Variants in SLC25A21 observed in about 807,000 individuals in gnomAD.
SLC25A21 encodes the protein solute carrier family 25 member 21.
Under a neutral mutation model 43.8 loss-of-function variants are expected in SLC25A21, and 47 were observed. That is an observed-to-expected ratio of 1.07 (90% CI 0.85 to 1.37). SLC25A21 has a LOEUF of 1.37. Ranked by LOEUF, SLC25A21 falls within the 40% of genes most tolerant of loss-of-function variation. The probability of loss-of-function intolerance (pLI) is 0.00; values close to 1 mark genes in which losing one functional copy is unlikely to be tolerated. For synonymous variants in SLC25A21, 131 were observed against 121.3 expected, an observed-to-expected ratio of 1.08 and a Z score of -0.52; for missense variants, 352 against 350.2, an observed-to-expected ratio of 1.00 and a Z score of -0.04.
At chr14:37,010,939 T>C (rs919191137) in intron 1 of SLC25A21, among the ~76,000 whole-genome samples, 1 of 152,110 alleles carries the variant, frequency 6.6e-6, no homozygotes, top group Non-Finnish European at 1.5e-5. Flanking sequence ...CAGTCTGGAG[T>C]GCAGTGGTGC....
At position 36,768,967 on chromosome 14, in the gene SLC25A21, A is replaced by G. The variant is rs1886517738; in HGVS notation, c.204-34394T>C. 2.0e-5 allele frequency among the ~76,000 whole-genome samples: 3 copies of G among 150,350 alleles called. No homozygotes were observed. The South Asian group carries it at 6.2e-4, about 31-fold the overall frequency. On this transcript the variant is annotated intron_variant, in intron 3 of 9. Transcript: ENST00000331299. ...AAAAAACAAAAACCTATATCTATCT[A>G]TATCTATATCTATATCTGTATCTAT...
At chr14:37,126,321 C>A (rs1261489183) in intron 1 of SLC25A21, among the ~76,000 whole-genome samples, 1 of 152,020 alleles carries the variant, frequency 6.6e-6, no homozygotes, top group Non-Finnish European at 1.5e-5. Context: ...ACCAAAGCCA[C>A]CAAAATGGTA....
At chr14:36,968,068 C>T (rs1470828091) in intron 1 of SLC25A21, among the ~76,000 whole-genome samples, 3 of 151,994 alleles carry the variant, frequency 2.0e-5, no homozygotes, top group East Asian at 1.9e-4. Flanking sequence ...GAAGAGCACA[C>T]GTAGTGGAGG....
chr14:37,118,766 T>C lies in SLC25A21; in HGVS notation c.70+53515A>G, dbSNP rs144326587. On this transcript the variant is annotated intron_variant, in intron 1 of 9. Coordinates refer to ENST00000331299, the MANE Select transcript of SLC25A21 (RefSeq NM_030631.4). Reference sequence around the variant, plus strand: ...CTCCCATGGTTTCCTTACCTAGTAATTGATTCCTGAAAATCCACCATTACA... The same window carrying C: ...CTCCCATGGTTTCCTTACCTAGTAACTGATTCCTGAAAATCCACCATTACA... Among the ~76,000 whole-genome samples the C allele has an allele frequency of 2.6e-4, 39 of 152,268 alleles. No homozygotes were observed. The East Asian group carries it at 6.4e-3, about 25-fold the overall frequency.
chr14:37,166,988 A>G (rs1378696481), intron 1 of SLC25A21, among the ~76,000 whole-genome samples: 1 of 152,220 alleles, frequency 6.6e-6, no homozygotes, highest in Non-Finnish European at 1.5e-5. Flanking sequence ...CCATACAAAT[A>G]AAAATATTAG....
At chr14:36,691,197 A>G (rs1159205263) in intron 7 of SLC25A21, among the ~76,000 whole-genome samples, 1 of 152,180 alleles carries the variant, frequency 6.6e-6, no homozygotes, top group African/African-American at 2.4e-5. Flanking sequence ...CCAGTTTTAG[A>G]GACATGTGCA....
At chr14:36,911,101 T>A (rs1013611290) in intron 1 of SLC25A21, among the ~76,000 whole-genome samples, 1 of 152,214 alleles carries the variant, frequency 6.6e-6, no homozygotes, top group African/African-American at 2.4e-5. Flanking sequence ...ATGATGGCAT[T>A]TCTTGTATCA....
chr14:37,107,150 T>C (rs1302972567), intron 1 of SLC25A21, among the ~76,000 whole-genome samples: 1 of 152,114 alleles, frequency 6.6e-6, no homozygotes, highest in African/African-American at 2.4e-5. Context: ...TTTTTTTTAA[T>C]AGGCAGGATC....
intron 2 of SLC25A21, among the ~76,000 whole-genome samples, chr14:36,870,135 A>C (rs1016278005): frequency 6.6e-6 from 1 of 152,208 alleles, no homozygotes; most frequent in African/African-American, 2.4e-5. Context: ...TTGATTATGG[A>C]TCAATAATGC....
chr14:36,950,981 T>C (rs1892796201), intron 1 of SLC25A21, among the ~76,000 whole-genome samples: 1 of 152,178 alleles, frequency 6.6e-6, no homozygotes, highest in Admixed American at 6.5e-5. Flanking sequence ...CTCAAGGCTC[T>C]ACACCCTCCA....
chr14:37,082,445 A>G (rs939589511), intron 1 of SLC25A21, among the ~76,000 whole-genome samples: 1 of 152,220 alleles, frequency 6.6e-6, no homozygotes, highest in Non-Finnish European at 1.5e-5. Context: ...ATTAGGCACT[A>G]TACAAATCAT....
At chr14:36,760,563 G>T (rs1330751009) in intron 3 of SLC25A21, among the ~76,000 whole-genome samples, 1 of 152,136 alleles carries the variant, frequency 6.6e-6, no homozygotes, top group South Asian at 2.1e-4. Flanking sequence ...CATGGGGAGG[G>T]TCCTGCCAGC....
intron 1 of SLC25A21, among the ~76,000 whole-genome samples, chr14:36,991,544 T>C (rs1414078540): frequency 6.6e-6 from 1 of 152,172 alleles, no homozygotes; most frequent in African/African-American, 2.4e-5. Flanking sequence ...GAATGTGTAA[T>C]TGTATTAAGG....
chr14:36,858,408 A>G (rs1408448062), intron 2 of SLC25A21, among the ~76,000 whole-genome samples: 4 of 152,216 alleles, frequency 2.6e-5, no homozygotes, highest in Non-Finnish European at 4.4e-5. Context: ...CAATTCTGAA[A>G]ATATTTTTTG....
chr14:36,702,271 T>C (rs1883306901), intron 7 of SLC25A21, among the ~76,000 whole-genome samples: 1 of 152,118 alleles, frequency 6.6e-6, no homozygotes, highest in African/African-American at 2.4e-5. Context: ...TCTTTCTGCC[T>C]GGTTCATTCA....
intron 1 of SLC25A21, among the ~76,000 whole-genome samples, chr14:37,135,428 A>C (rs944278230): frequency 1.3e-5 from 2 of 149,484 alleles, no homozygotes; most frequent in African/African-American, 5.0e-5. Context: ...ACGTTTTAAT[A>C]GTTACCCAGG....
At chr14:36,894,267 T>C (rs1891172684) in intron 1 of SLC25A21, among the ~76,000 whole-genome samples, 1 of 152,140 alleles carries the variant, frequency 6.6e-6, no homozygotes, top group African/African-American at 2.4e-5. Context: ...CCCTTGTAAG[T>C]TGGATTTCTA....
chr14:36,987,164 T>C (rs897981271), intron 1 of SLC25A21, among the ~76,000 whole-genome samples: 1 of 152,146 alleles, frequency 6.6e-6, no homozygotes, highest in African/African-American at 2.4e-5. Flanking sequence ...ACATTAACAT[T>C]CCTTTCATCC....
chr14:37,015,718 T>C (rs1336997217), intron 1 of SLC25A21, among the ~76,000 whole-genome samples: 1 of 151,982 alleles, frequency 6.6e-6, no homozygotes, highest in Non-Finnish European at 1.5e-5. Context: ...TTCCTGACTT[T>C]TTAATGATTG....
Sources: allele counts gnomAD v4.1 joint callset (sites outside exome capture counted in the v4.1 genomes callset), GRCh38; gene constraint gnomAD v4.1.1; transcripts MANE v1.5; gene names NCBI Gene and HGNC (gene_info 2026-07-23, HGNC 2026-07-21).